TMPRSS15: variants seen among roughly 807,000 people sequenced by gnomAD.
TMPRSS15 encodes the protein transmembrane serine protease 15.
In TMPRSS15, 128 loss-of-function variants were observed where a neutral mutation model predicts 125.3. That is an observed-to-expected ratio of 1.02 (90% CI 0.89 to 1.18). The LOEUF (loss-of-function observed/expected upper bound fraction) is 1.18, where lower values mean the gene tolerates loss of function less well. Among genes scored for constraint, TMPRSS15 ranks in the 50% most tolerant of loss-of-function variants. TMPRSS15 has a pLI of 0.00. For missense variants in TMPRSS15, 1,283 were observed against 1,212.7 expected (o/e 1.06, Z -0.86); for synonymous variants, 446 against 423.2 (o/e 1.05, Z -0.66).
rs770570305 is a variant in TMPRSS15, at chr21:18,403,699, C to T, written c.-77G>A. 62 of 1,586,630 alleles carry T rather than the reference C, an allele frequency of 3.9e-5. 1 individual carries two copies. Among genetic ancestry groups the T allele is most frequent in the Admixed American group, 2.0e-4 (12 of 59,024 alleles). ...TTCTACCAACTGAAGAGAAAAATCT[C>T]TCAAATTTTTAAAGATGTGTAAAGC... is the stretch of plus-strand genomic sequence containing the variant. On this transcript the variant is annotated 5_prime_UTR_variant, in exon 1 of 25. Transcript: ENST00000284885.
At chr21:18,320,129 GC>G (rs2075219104) in intron 16 of TMPRSS15, among the ~76,000 whole-genome samples, 1 of 152,092 alleles carries the variant, frequency 6.6e-6, no homozygotes, top group African/African-American at 2.4e-5. Flanking sequence ...TCTAAAGACA[GC>G]ATTAATACTT....
intron 4 of TMPRSS15, among the ~76,000 whole-genome samples, chr21:18,383,256 G>A (rs2075910426): frequency 8.3e-6 from 1 of 120,082 alleles, no homozygotes; most frequent in Non-Finnish European, 1.7e-5. Context: ...TCCTTGGAAT[G>A]CATAAGACCC....
rs149508033 is a variant in TMPRSS15 at position 18,398,260 on chromosome 21, G to A, written c.215C>T (p.Pro72Leu). The change falls in exon 2 of 25, where the codon CCT (proline) becomes CTT (leucine). Residue 72 changes from proline to leucine, a missense_variant. Pro to Leu is a moderately conservative substitution (Grantham distance 98, BLOSUM62 -3). Transcript: ENST00000284885. ...CACTGAGAGTTTGTCTTGCAAATTA[G>A]GATTATATGTAACTCCGGATGTTAT... ...FKITSGVTYN[P>L]NLQDKLSVDF... 6.6e-5 allele frequency: 106 copies of A among 1,613,800 alleles called. No individual in the cohort carries two copies. In the African/African-American group the frequency reaches 1.3e-3, roughly 20 times the overall value.
intron 1 of TMPRSS15, among the ~76,000 whole-genome samples, chr21:18,445,440 C>T (rs1253528702): frequency 1.3e-5 from 2 of 152,092 alleles, no homozygotes; most frequent in African/African-American, 4.8e-5. Context: ...CTCGGCCTCC[C>T]AAAGTGCTCG....
chr21:18,341,120 G>A (rs2075441148), intron 13 of TMPRSS15, among the ~76,000 whole-genome samples: 1 of 152,162 alleles, frequency 6.6e-6, no homozygotes, highest in Non-Finnish European at 1.5e-5. Flanking sequence ...GGAGTGCAGT[G>A]ACATGATTAC....
chr21:18,313,358 T>G (rs1186003288), intron 17 of TMPRSS15, among the ~76,000 whole-genome samples: 1 of 151,692 alleles, frequency 6.6e-6, no homozygotes, highest in African/African-American at 2.4e-5. Flanking sequence ...TCTATATATA[T>G]ATACACACTT....
At chr21:18,312,917 TAAA>T (rs2146935864) in intron 18 of TMPRSS15, 25 bp downstream of exon 18, 1 of 1,612,450 alleles carries the variant, frequency 6.2e-7, no homozygotes, top group East Asian at 2.2e-5. Context: ...GCAAATCTCT[TAAA>T]AAGGAACTCA....
intron 7 of TMPRSS15, among the ~76,000 whole-genome samples, chr21:18,363,780 A>G (rs2075699699): frequency 6.6e-6 from 1 of 152,110 alleles, no homozygotes; most frequent in South Asian, 2.1e-4. Context: ...ATACAAATGT[A>G]GGTTGAAAAC....
chr21:18,474,095 CT>C (rs1373380163), intron 1 of TMPRSS15, among the ~76,000 whole-genome samples: 2 of 151,808 alleles, frequency 1.3e-5, no homozygotes, highest in Non-Finnish European at 2.9e-5. Context: ...CACTGTCATC[CT>C]TTTTATAATA....
At chr21:18,414,647 C>T (rs1001042399) in intron 1 of TMPRSS15, among the ~76,000 whole-genome samples, 1 of 152,108 alleles carries the variant, frequency 6.6e-6, no homozygotes, top group Non-Finnish European at 1.5e-5. Context: ...TAGCATAATG[C>T]CTTCCAGGTT....
At chr21:18,476,168 A>G (rs548706392) in intron 1 of TMPRSS15, among the ~76,000 whole-genome samples, 1 of 152,296 alleles carries the variant, frequency 6.6e-6, no homozygotes, top group Non-Finnish European at 1.5e-5. Flanking sequence ...ATTTTATCTG[A>G]ATCATATTTC....
intron 19 of TMPRSS15, among the ~76,000 whole-genome samples, chr21:18,295,165 C>T (rs1027325498): frequency 3.3e-5 from 5 of 152,070 alleles, no homozygotes; most frequent in Admixed American, 6.6e-5. Context: ...ATGATGAATG[C>T]GTCACAGGTG....
chr21:18,470,321 A>G, intron 1 of TMPRSS15, among the ~76,000 whole-genome samples: 1 of 112,884 alleles, frequency 8.9e-6, no homozygotes, highest in Non-Finnish European at 1.6e-5. Flanking sequence ...TACAGAAAAC[A>G]AAAAAAAAAG....
At chr21:18,368,229 A>G (rs1601400669) in intron 6 of TMPRSS15, among the ~76,000 whole-genome samples, 1 of 152,210 alleles carries the variant, frequency 6.6e-6, no homozygotes, top group African/African-American at 2.4e-5. Flanking sequence ...GAAAGGTATC[A>G]ACAGCTTTGC....
intron 1 of TMPRSS15, among the ~76,000 whole-genome samples, chr21:18,436,426 A>T (rs1287699439): frequency 6.6e-6 from 1 of 152,034 alleles, no homozygotes; most frequent in Non-Finnish European, 1.5e-5. Flanking sequence ...TTCAGTTTCC[A>T]TGTAGTTGAG....
chr21:18,418,219 C>T (rs530341550), intron 1 of TMPRSS15, among the ~76,000 whole-genome samples: 3 of 152,320 alleles, frequency 2.0e-5, no homozygotes, highest in East Asian at 1.9e-4. Context: ...AGCTGGAAGA[C>T]GATACCCAAA....
intron 13 of TMPRSS15, among the ~76,000 whole-genome samples, chr21:18,332,582 A>C (rs570303415): frequency 1.1e-4 from 17 of 152,324 alleles, no homozygotes; most frequent in African/African-American, 4.1e-4. Flanking sequence ...ATTAGTAAAA[A>C]GTCAAAAAAT....
intron 5 of TMPRSS15, among the ~76,000 whole-genome samples, chr21:18,373,980 T>C (rs988122707): frequency 6.9e-4 from 105 of 152,228 alleles, no homozygotes; most frequent in African/African-American, 2.0e-3. Context: ...TGGGGGGAAA[T>C]TGTTTATGTA....
intron 1 of TMPRSS15, among the ~76,000 whole-genome samples, chr21:18,421,768 G>C (rs1601457268): frequency 6.6e-6 from 1 of 152,234 alleles, no homozygotes; most frequent in Middle Eastern, 3.4e-3. Context: ...TGATACAAAA[G>C]TTTCCCCAGG....
Sources: allele counts gnomAD v4.1 joint callset (sites outside exome capture counted in the v4.1 genomes callset), GRCh38; gene constraint gnomAD v4.1.1; transcripts MANE v1.5; gene names NCBI Gene and HGNC (gene_info 2026-07-23, HGNC 2026-07-21).